Variants in SIK3 observed in about 807,000 individuals in gnomAD.
SIK3 encodes the protein SIK family kinase 3.
In SIK3, 28 loss-of-function variants were observed where a neutral mutation model predicts 144.2. That is an observed-to-expected ratio of 0.19 (90% CI 0.14 to 0.27). The LOEUF is 0.27. Among genes scored for constraint, SIK3 ranks in the 10% least tolerant of loss-of-function variants. The pLI is 1.00. For missense variants in SIK3, 1,319 were observed against 1,776.0 expected, an observed-to-expected ratio of 0.74 and a Z score of 4.62; for synonymous variants, 686 against 676.3, an observed-to-expected ratio of 1.01 and a Z score of -0.22.
intron 1 of SIK3, among the ~76,000 whole-genome samples, chr11:117,041,379 G>T (rs146323068): frequency 4.6e-5 from 7 of 152,118 alleles, no homozygotes; most frequent in Non-Finnish European, 7.4e-5. Context: ...GCCCTTCAGG[G>T]ATCCACAAGA....
intron 1 of SIK3, among the ~76,000 whole-genome samples, chr11:117,002,193 C>T (rs1402104621): frequency 1.3e-5 from 2 of 152,258 alleles, no homozygotes; most frequent in East Asian, 3.8e-4. Context: ...CTAGACCAAG[C>T]TTGTCCAACC....
chr11:116,907,254 G>C (rs1339141818), intron 4 of SIK3, among the ~76,000 whole-genome samples: 1 of 152,206 alleles, frequency 6.6e-6, no homozygotes, highest in Non-Finnish European at 1.5e-5. Flanking sequence ...TATAACGCCA[G>C]TTCTCAGTGC....
intron 1 of SIK3, among the ~76,000 whole-genome samples, chr11:117,092,185 C>G (rs1365590817): frequency 6.6e-6 from 1 of 152,080 alleles, no homozygotes; most frequent in African/African-American, 2.4e-5. Context: ...CCATAAGACC[C>G]AGATGATCTG....
intron 1 of SIK3, among the ~76,000 whole-genome samples, chr11:117,049,386 T>C (rs1241744928): frequency 6.6e-6 from 1 of 152,110 alleles, no homozygotes; most frequent in African/African-American, 2.4e-5. Flanking sequence ...GAGACCAGCC[T>C]GGCCAACACA....
chr11:117,095,929 A>C (rs553677937), intron 1 of SIK3, among the ~76,000 whole-genome samples: 1 of 152,224 alleles, frequency 6.6e-6, no homozygotes, highest in Admixed American at 6.5e-5. Flanking sequence ...TAGGAATTGC[A>C]CAACTGCATA....
At chr11:116,985,314 T>C (rs1361179497) in intron 1 of SIK3, among the ~76,000 whole-genome samples, 4 of 152,312 alleles carry the variant, frequency 2.6e-5, no homozygotes, top group Non-Finnish European at 4.4e-5. Flanking sequence ...ATGCTGGCTG[T>C]GGGTTTGTCA....
At chr11:117,024,710 G>C (rs1288310377) in intron 1 of SIK3, among the ~76,000 whole-genome samples, 1 of 152,030 alleles carries the variant, frequency 6.6e-6, no homozygotes, top group African/African-American at 2.4e-5. Context: ...GACCAGCCTG[G>C]GCAACATGGC....
intron 1 of SIK3, among the ~76,000 whole-genome samples, chr11:117,037,457 G>A (rs971005732): frequency 6.6e-6 from 1 of 152,168 alleles, no homozygotes; most frequent in African/African-American, 2.4e-5. Flanking sequence ...ATGACTCAGA[G>A]ACAATTAGGC....
chr11:116,966,324 G>A (rs1339664031), intron 1 of SIK3, among the ~76,000 whole-genome samples: 3 of 152,158 alleles, frequency 2.0e-5, no homozygotes, highest in Admixed American at 6.5e-5. Context: ...GAGTCCAAGA[G>A]CTCAAGGCTA....
At chr11:116,882,999 T>G (rs541861126) in intron 6 of SIK3, among the ~76,000 whole-genome samples, 1 of 152,352 alleles carries the variant, frequency 6.6e-6, no homozygotes, top group African/African-American at 2.4e-5. Context: ...TTAAATGACA[T>G]TAAAGTCTTA....
intron 2 of SIK3, among the ~76,000 whole-genome samples, chr11:116,954,816 C>T (rs1243610035): frequency 3.3e-5 from 5 of 152,122 alleles, no homozygotes; most frequent in African/African-American, 1.2e-4. Context: ...AGACCAAAGG[C>T]TTTCCTCTTC....
intron 1 of SIK3, among the ~76,000 whole-genome samples, chr11:117,013,378 G>C (rs945637133): frequency 1.3e-5 from 2 of 152,070 alleles, no homozygotes; most frequent in Non-Finnish European, 1.5e-5. Flanking sequence ...TATAATCCTA[G>C]ATAGGCTGGG....
intron 1 of SIK3, among the ~76,000 whole-genome samples, chr11:117,037,092 G>T (rs1476093790): frequency 1.3e-5 from 2 of 152,076 alleles, no homozygotes; most frequent in Non-Finnish European, 2.9e-5. Flanking sequence ...TTCCCCATAA[G>T]AAACTACTCA....
chr11:116,954,786 T>C (rs1182244176), intron 2 of SIK3, among the ~76,000 whole-genome samples: 2 of 152,208 alleles, frequency 1.3e-5, no homozygotes, highest in African/African-American at 4.8e-5. Flanking sequence ...AATGATTACA[T>C]ACACTCATTA....
chr11:117,086,438 T>A (rs976483026), intron 1 of SIK3, among the ~76,000 whole-genome samples: 1 of 152,210 alleles, frequency 6.6e-6, no homozygotes, highest in Non-Finnish European at 1.5e-5. Context: ...ACGCCTATAA[T>A]CCCAGCACTC....
At chr11:116,952,339 C>T (rs61907608) in intron 3 of SIK3, among the ~76,000 whole-genome samples, 1,539 of 152,260 alleles carry the variant, frequency 0.01, 22 homozygotes, top group Non-Finnish European at 9.1e-3. Context: ...GAGTTCGAGG[C>T]TGCAGTGAGC....
At position 116,847,581 on chromosome 11, in the gene SIK3, T is replaced by C. The variant is rs1367185314; in HGVS notation, c.3847A>G (p.Ser1283Gly). The stretch of plus-strand genomic sequence containing the variant: ...CTAAGTGCTTTCCCAGCCACGAGAC[T>C]CATTCCTGGCAAGTTATCCAGCTGT... ...YVQLDNLPGM[S>G]LVAGKALSSA... Residue 1283 changes from serine (S) to glycine (G), a missense_variant, in exon 23 of 25, where the codon AGT becomes GGT. This residue lies in a region of SIK3 where 646 missense variants were observed against 763.7 expected (regional missense o/e 0.85). Transcript: ENST00000445177. The C allele has an allele frequency of 6.2e-7, 1 of 1,614,130 alleles. No individual in the cohort carries two copies. The highest frequency in any genetic ancestry group is 1.7e-5 in the Admixed American group (1 of 60,018).
chr11:116,856,196 CA>C (rs780021390), intron 21 of SIK3, among the ~76,000 whole-genome samples: 10,523 of 115,514 alleles, frequency 0.091, 453 homozygotes, highest in South Asian at 0.23. Flanking sequence ...GACTCCGTCT[CA>C]AAAAAAAAAA....
At chr11:116,925,197 T>A (rs557610656) in intron 4 of SIK3, among the ~76,000 whole-genome samples, 1 of 150,054 alleles carries the variant, frequency 6.7e-6, no homozygotes, top group African/African-American at 2.5e-5. Context: ...TGCAGTGAGC[T>A]GAGATCACGC....
Sources: allele counts gnomAD v4.1 joint callset (sites outside exome capture counted in the v4.1 genomes callset), GRCh38; gene constraint gnomAD v4.1.1; regional missense constraint gnomAD v4.1.1; transcripts MANE v1.5; gene names NCBI Gene and HGNC (gene_info 2026-07-23, HGNC 2026-07-21).